The following TRIM33 variants were observed in gnomAD, a reference collection of about 807,000 sequenced individuals.
TRIM33 encodes tripartite motif containing 33.
Under a neutral mutation model 125.4 loss-of-function variants are expected in TRIM33, and 20 were observed. The observed-to-expected ratio is 0.16, with a 90% CI of 0.11 to 0.23. TRIM33 has a LOEUF of 0.23. Among genes scored for constraint, TRIM33 ranks in the 10% least tolerant of loss-of-function variants. The pLI, the probability that TRIM33 is intolerant of heterozygous loss-of-function variation, is 1.00. For missense variants in TRIM33, 920 were observed against 1,411.4 expected, an observed-to-expected ratio of 0.65 and a Z score of 5.58; for synonymous variants, 564 against 513.9, an observed-to-expected ratio of 1.10 and a Z score of -1.32.
chr1:114,456,839 T>G (rs1314285041), intron 4 of TRIM33, among the ~76,000 whole-genome samples: 1 of 152,042 alleles, frequency 6.6e-6, no homozygotes, highest in Non-Finnish European at 1.5e-5. Context: ...GATAAAAAGT[T>G]TGGGGAATTA....
intron 1 of TRIM33, among the ~76,000 whole-genome samples, chr1:114,491,328 C>A (rs1365743553): frequency 6.6e-6 from 1 of 152,088 alleles, no homozygotes; most frequent in Non-Finnish European, 1.5e-5. Flanking sequence ...CGATTCTCAT[C>A]ATTTATAGTA....
Position 114,425,713 on chromosome 1 carries a change from T to C in TRIM33, c.1431A>G (p.Val477=), listed in dbSNP as rs1371552384. Residue 477 remains valine, a synonymous_variant, in exon 9 of 20, where the codon GTA becomes GTG. Transcript: ENST00000358465. ...AKNVVNLGNL[V]IESKPAPGYT... is the part of the protein sequence containing the mutation. ...AACCAGGAGCTGGTTTACTCTCTATTACTAGATTACCTGAAAAATTTAAAA... is the reference window on the plus strand; with the variant it reads ...AACCAGGAGCTGGTTTACTCTCTATCACTAGATTACCTGAAAAATTTAAAA... 1 of 1,591,296 alleles carries C rather than the reference T, an allele frequency of 6.3e-7. No homozygotes were observed. The highest frequency in any genetic ancestry group is 8.6e-7 in the Non-Finnish European group (1 of 1,168,928).
At chr1:114,487,388 A>G (rs1651769003) in intron 1 of TRIM33, among the ~76,000 whole-genome samples, 1 of 151,886 alleles carries the variant, frequency 6.6e-6, no homozygotes, top group African/African-American at 2.4e-5. Context: ...CAAAGGCTGA[A>G]AGAAAGTAAC....
At chr1:114,452,962 G>C (rs536650650) in intron 4 of TRIM33, among the ~76,000 whole-genome samples, 1 of 152,072 alleles carries the variant, frequency 6.6e-6, no homozygotes, top group Non-Finnish European at 1.5e-5. Context: ...AAGCGTATAA[G>C]AAATTGAGAT....
chr1:114,445,439 C>T (rs1411544496), intron 4 of TRIM33, among the ~76,000 whole-genome samples: 1 of 152,112 alleles, frequency 6.6e-6, no homozygotes, highest in Non-Finnish European at 1.5e-5. Context: ...TGGGGTCTTA[C>T]TATGTTGCCC....
chr1:114,502,263 G>C (rs369586521), intron 1 of TRIM33, among the ~76,000 whole-genome samples: 25 of 152,074 alleles, frequency 1.6e-4, no homozygotes, highest in African/African-American at 5.8e-4. Context: ...CTTCCTACTG[G>C]CCCAAAGACT....
intron 15 of TRIM33, 95 bp downstream of exon 15, chr1:114,405,315 G>T: frequency 1.1e-6 from 1 of 879,106 alleles, no homozygotes; most frequent in Non-Finnish European, 1.8e-6. Context: ...GAAATACTAT[G>T]CACTGGTTAG....
chr1:114,424,063 C>T (rs1041013994), intron 10 of TRIM33, among the ~76,000 whole-genome samples: 3 of 151,804 alleles, frequency 2.0e-5, no homozygotes, highest in Non-Finnish European at 4.4e-5. Context: ...CATAACCAGG[C>T]AAAGATTATA....
At chr1:114,452,509 C>T (rs550239581) in intron 4 of TRIM33, among the ~76,000 whole-genome samples, 1 of 151,960 alleles carries the variant, frequency 6.6e-6, no homozygotes, top group East Asian at 1.9e-4. Flanking sequence ...TACAGATCTT[C>T]ATAAAATCTT....
chr1:114,451,374 T>TAA (rs11419050), intron 4 of TRIM33, among the ~76,000 whole-genome samples: 16,210 of 135,560 alleles, frequency 0.12, 1,056 homozygotes, highest in African/African-American at 0.17. Flanking sequence ...TACCCTGCTT[T>TAA]AAAAAAAAAA....
chr1:114,468,884 T>C (rs1291195200), intron 1 of TRIM33: 3 of 242,020 alleles, frequency 1.2e-5, no homozygotes, highest in Non-Finnish European at 2.5e-5. Context: ...AGAATCCAGA[T>C]GTGGTTGCTG....
At chr1:114,402,612 T>C in intron 16 of TRIM33, 148 bp downstream of exon 16, 2 of 940,762 alleles carry the variant, frequency 2.1e-6, no homozygotes, top group South Asian at 2.1e-5. Context: ...AAAAAAAGAC[T>C]TCAGAAATCA....
rs1651367416 is a variant in TRIM33, at chr1:114,393,121, A to C, written c.*4527T>G. 9.6e-6 allele frequency: 2 copies of C among 209,074 alleles called. No homozygotes were observed. The allele number at this position is 209,074 out of a possible 1,614,324, so 13.0% of individuals were successfully genotyped here. Reference sequence around the variant, plus strand: ...TATGTGCAAAAATAATAGTACTAGTAGTAATAATAATAATGAGGGGAGGAG... The same window carrying C: ...TATGTGCAAAAATAATAGTACTAGTCGTAATAATAATAATGAGGGGAGGAG... On this transcript the variant is annotated 3_prime_UTR_variant, in exon 20 of 20. Coordinates refer to ENST00000358465, the MANE Select transcript of TRIM33 (RefSeq NM_015906.4).
At chr1:114,428,609 G>A (rs1647739440) in intron 6 of TRIM33, among the ~76,000 whole-genome samples, 1 of 152,106 alleles carries the variant, frequency 6.6e-6, no homozygotes, top group South Asian at 2.1e-4. Flanking sequence ...AATGACTCAA[G>A]TTGGTTTTTC....
chr1:114,438,180 G>A (rs1258515467), intron 4 of TRIM33, among the ~76,000 whole-genome samples: 2 of 152,174 alleles, frequency 1.3e-5, no homozygotes, highest in African/African-American at 4.8e-5. Flanking sequence ...TACTTGCCAA[G>A]TGATACAGTA....
In TRIM33 at chr1:114,451,468, T is replaced by C. The variant is rs543847750; in HGVS notation, c.923+11636A>G. 4.6e-5 allele frequency among the ~76,000 whole-genome samples: 7 copies of C among 152,142 alleles called. No homozygotes were observed. The South Asian group carries it at 1.0e-3, about 22-fold the overall frequency. ...TCTACAGATTTTTTAATTCCTTTAA[T>C]GTGAATAGAATTTTTGGAGGGAGAT... On this transcript the variant is annotated intron_variant, in intron 4 of 19. Transcript: ENST00000358465.
chr1:114,406,449 A>G (rs1652250141), intron 14 of TRIM33, among the ~76,000 whole-genome samples: 1 of 152,196 alleles, frequency 6.6e-6, no homozygotes, highest in Admixed American at 6.5e-5. Flanking sequence ...TTCATTCTGT[A>G]TTAGAAATTT....
chr1:114,510,927 G>A lies in TRIM33; in HGVS notation c.150C>T (p.Gly50=), dbSNP rs778669013. Reference sequence around the variant, plus strand: ...CGCCGCCCTCAGCGCCGGCCCTGCCGCCTTCCTCCTCCTCCTCCTCCACCA... The same window carrying A: ...CGCCGCCCTCAGCGCCGGCCCTGCCACCTTCCTCCTCCTCCTCCTCCACCA... The part of the protein sequence containing the change: ...AVLVEEEEEE[G]GRAGAEGGAA... The change falls in exon 1 of 20, where the codon GGC becomes GGT. Residue 50 remains glycine, a synonymous_variant. Transcript: ENST00000358465. 2.8e-6 allele frequency: 4 copies of A among 1,419,294 alleles called. No individual in the cohort carries two copies. Among genetic ancestry groups the A allele is most frequent in the East Asian group, 3.0e-5 (1 of 32,896 alleles). 87.9% of individuals were successfully genotyped at this position (1,419,294 alleles called of 1,614,324 possible).
At chr1:114,445,067 A>AGAT (rs1204139324) in intron 4 of TRIM33, among the ~76,000 whole-genome samples, 1 of 152,250 alleles carries the variant, frequency 6.6e-6, no homozygotes, top group Non-Finnish European at 1.5e-5. Context: ...AGCAAATGGG[A>AGAT]GATGTCTGAA....
Sources: allele counts gnomAD v4.1 joint callset (sites outside exome capture counted in the v4.1 genomes callset), GRCh38; gene constraint gnomAD v4.1.1; transcripts MANE v1.5; gene names NCBI Gene and HGNC (gene_info 2026-07-23, HGNC 2026-07-21).